Variants in RC3H2 observed in about 807,000 individuals in gnomAD.
RC3H2 encodes roquin-2.
Under a neutral mutation model 133.3 loss-of-function variants are expected in RC3H2, and 31 were observed. The observed-to-expected ratio is 0.23, with a 90% confidence interval of 0.17 to 0.31. The LOEUF (loss-of-function observed/expected upper bound fraction) is 0.31, where lower values mean the gene tolerates loss of function less well. Among genes scored for constraint, RC3H2 ranks in the 10% least tolerant of loss-of-function variants. The pLI, the probability that RC3H2 is intolerant of heterozygous loss-of-function variation, is 1.00. For missense variants in RC3H2, 1,175 were observed against 1,437.2 expected (o/e 0.82, Z 2.95); for synonymous variants, 517 against 502.2 (o/e 1.03, Z -0.40).
chr9:122,902,400 T>C (rs886647551), intron 1 of RC3H2, among the ~76,000 whole-genome samples: 1 of 152,238 alleles, frequency 6.6e-6, no homozygotes, highest in East Asian at 1.9e-4. Context: ...GGATAATCTA[T>C]CTGGAAGTTT....
rs747955735 is a variant in RC3H2 at position 122,880,551 on chromosome 9, G to A, written c.960+43C>T. 1.0e-5 allele frequency: 15 copies of A among 1,442,782 alleles called. No individual in the cohort carries two copies. The South Asian group carries it at 1.6e-4, about 15-fold the overall frequency. The allele number at this position is 1,442,782 out of a possible 1,614,324, so 89.4% of individuals were successfully genotyped here. A position where few individuals can be genotyped will look rare whatever the true frequency, so the allele number is the denominator to read the frequency against. The stretch of plus-strand genomic sequence containing the variant: ...TTAGAATATTCTAATACTCTTCAAT[G>A]TAACAGCAATGATAGAACATCAGCA... On this transcript the variant is annotated intron_variant, in intron 6 of 20. Transcript: ENST00000357244.
At position 122,883,334 on chromosome 9, in the gene RC3H2, T is replaced by A. The variant is rs774571021; in HGVS notation, c.629A>T (p.Asp210Val). 1.9e-6 allele frequency: 3 copies of A among 1,612,772 alleles called. No homozygotes were observed. Among genetic ancestry groups the A allele is most frequent in the Non-Finnish European group, 2.5e-6 (3 of 1,179,576 alleles). ...ALKLVLLALEDGSALSRKVLV... is the reference protein window; with the variant it reads ...ALKLVLLALEVGSALSRKVLV... ...AACTTTCCTTGAGAGGGCAGAACCA[T>A]CTTCTAATGCCAGTAACACCAGCTT... The change falls in exon 5 of 21, where the codon GAT (aspartate) becomes GTT (valine). Residue 210 changes from aspartate to valine, a missense_variant. By Grantham distance (152) the Asp-to-Val change is radical (BLOSUM62 -3). This residue lies in a region of RC3H2 where 121 missense variants were observed against 243.5 expected (regional missense o/e 0.50). Transcript: ENST00000357244.
At chr9:122,876,988 A>G (rs1161856114) in intron 9 of RC3H2, among the ~76,000 whole-genome samples, 1 of 152,238 alleles carries the variant, frequency 6.6e-6, no homozygotes, top group African/African-American at 2.4e-5. Context: ...CTCAGTATAA[A>G]TATGGATTCC....
At chr9:122,900,187 T>C (rs1257193026) in intron 1 of RC3H2, among the ~76,000 whole-genome samples, 1 of 152,202 alleles carries the variant, frequency 6.6e-6, no homozygotes, top group Non-Finnish European at 1.5e-5. Flanking sequence ...TAATTAATAC[T>C]GAGAAGTTTA....
intron 9 of RC3H2, chr9:122,875,411 A>G (rs1382485699): frequency 8.7e-6 from 13 of 1,486,502 alleles, no homozygotes; most frequent in Non-Finnish European, 9.9e-6. Context: ...ATCATGGGCC[A>G]TAGTTTCTGT....
At chr9:122,876,627 CA>C (rs1167765000) in intron 9 of RC3H2, among the ~76,000 whole-genome samples, 1,759 of 94,530 alleles carry the variant, frequency 0.019, 10 homozygotes, top group East Asian at 0.031. Flanking sequence ...GACTCCACCT[CA>C]AAAAAAAAAA....
At position 122,868,871 on chromosome 9, in the gene RC3H2, G is replaced by A. The variant is rs973166830; in HGVS notation, c.1326-3214C>T. On this transcript the variant is annotated intron_variant, in intron 9 of 20. Transcript: ENST00000357244. ...TGTGTGTGTGTGTGTGTGTGTGTGT[G>A]TGTGTGTGTGTGTGTGTGTATGTGT... is the stretch of plus-strand genomic sequence containing the variant. 1.6e-3 allele frequency among the ~76,000 whole-genome samples: 90 copies of A among 54,812 alleles called. 7 individuals are homozygous for A. Among genetic ancestry groups the A allele is most frequent in the Middle Eastern group, 0.013 (1 of 80 alleles). The allele number at this position is 54,812 out of a possible 152,430, so 36.0% of individuals were successfully genotyped here.
Position 122,859,945 on chromosome 9 carries a change from G to C in RC3H2, c.1821C>G (p.Pro607=), listed in dbSNP as rs1057451327. Residue 607 remains proline, a synonymous_variant, in exon 11 of 21, where the codon CCC becomes CCG. Coordinates refer to ENST00000357244, the MANE Select transcript of RC3H2 (RefSeq NM_001100588.3). ...QYFQDPRTQI[P]FEVPQYPQTG... Reference sequence around the variant, plus strand: ...TCTGTGGGTACTGTGGGACTTCAAAGGGTATCTGAGTCCTTGGATCTTGAA... The same window carrying C: ...TCTGTGGGTACTGTGGGACTTCAAACGGTATCTGAGTCCTTGGATCTTGAA... 7.4e-6 allele frequency: 12 copies of C among 1,613,778 alleles called. No homozygotes were observed. Among genetic ancestry groups the C allele is most frequent in the Non-Finnish European group, 9.3e-6 (11 of 1,179,682 alleles).
intron 5 of RC3H2, among the ~76,000 whole-genome samples, chr9:122,882,904 T>G (rs568698332): frequency 6.6e-6 from 1 of 152,360 alleles, no homozygotes; most frequent in Non-Finnish European, 1.5e-5. Flanking sequence ...AGACACTAAA[T>G]GTAAAGAAAT....
intron 1 of RC3H2, among the ~76,000 whole-genome samples, chr9:122,899,615 T>G (rs1485473713): frequency 6.6e-6 from 1 of 152,196 alleles, no homozygotes; most frequent in South Asian, 2.1e-4. Context: ...TAAAAACCAA[T>G]TAGTTTCCTT....
intron 9 of RC3H2, among the ~76,000 whole-genome samples, chr9:122,868,424 G>C (rs1418118514): frequency 9.3e-5 from 14 of 150,480 alleles, no homozygotes; most frequent in African/African-American, 3.4e-4. Context: ...TTGGGATCCT[G>C]TTGATCTGTG....
At chr9:122,890,571 G>A (rs781222514) in intron 3 of RC3H2, 26 bp from the exon 4 acceptor site, 1 of 1,542,916 alleles carries the variant, frequency 6.5e-7, no homozygotes, top group Non-Finnish European at 8.8e-7. Context: ...AACAAAGGGA[G>A]CTAAAGTTTT....
chr9:122,855,116 T>TAAA (rs5900548), intron 15 of RC3H2, 68 bp downstream of exon 15: 39 of 944,286 alleles, frequency 4.1e-5, no homozygotes, highest in African/African-American at 1.1e-4. Flanking sequence ...CTGTCTCAAT[T>TAAA]AAAAAAAAAA....
chr9:122,885,891 G>A (rs913779472), intron 4 of RC3H2, among the ~76,000 whole-genome samples: 1 of 151,872 alleles, frequency 6.6e-6, no homozygotes, highest in African/African-American at 2.4e-5. Flanking sequence ...TGTTTTGTTT[G>A]TTTTGTTTTG....
Position 122,858,973 on chromosome 9 carries a change from G to A in RC3H2, c.1979C>T (p.Thr660Ile). 1 of 1,614,214 alleles carries A rather than the reference G, an allele frequency of 6.2e-7. No homozygotes were observed. Among genetic ancestry groups the A allele is most frequent in the Non-Finnish European group, 8.5e-7 (1 of 1,180,034 alleles). ...ASMPYADHYSTFSPRDRMNSS... is the reference protein window; with the variant it reads ...ASMPYADHYSIFSPRDRMNSS... The stretch of plus-strand genomic sequence containing the variant: ...ATTCATTCGATCTCGAGGGGAAAAT[G>A]TACTGTAATGATCGGCATATGGCAT... The change falls in exon 12 of 21, where the codon ACA (threonine) becomes ATA (isoleucine). Residue 660 changes from threonine (T) to isoleucine (I), a missense_variant. Coordinates refer to ENST00000357244, the MANE Select transcript of RC3H2 (RefSeq NM_001100588.3).
At chr9:122,853,235 C>G (rs1830116677) in intron 18 of RC3H2, among the ~76,000 whole-genome samples, 1 of 151,860 alleles carries the variant, frequency 6.6e-6, no homozygotes, top group South Asian at 2.1e-4. Flanking sequence ...CCCAGGGACA[C>G]AAACGCTGCG....
intron 1 of RC3H2, among the ~76,000 whole-genome samples, chr9:122,901,557 T>C (rs978940759): frequency 1.3e-5 from 2 of 151,494 alleles, no homozygotes; most frequent in Non-Finnish European, 2.9e-5. Context: ...TGTTTTAAAA[T>C]AAATATTAGA....
chr9:122,874,770 T>G (rs1406941172), intron 9 of RC3H2: 1 of 160,432 alleles, frequency 6.2e-6, no homozygotes, highest in African/African-American at 2.4e-5. Context: ...TCCTCCTGCC[T>G]TTGCCTCCCA....
chr9:122,896,473 A>G (rs1378952284), intron 2 of RC3H2, among the ~76,000 whole-genome samples: 1 of 152,234 alleles, frequency 6.6e-6, no homozygotes, highest in African/African-American at 2.4e-5. Context: ...AATATCACTT[A>G]TATACATAAA....
Sources: allele counts gnomAD v4.1 joint callset (sites outside exome capture counted in the v4.1 genomes callset), GRCh38; gene constraint gnomAD v4.1.1; regional missense constraint gnomAD v4.1.1; transcripts MANE v1.5; gene names NCBI Gene and HGNC (gene_info 2026-07-23, HGNC 2026-07-21).